LYPD3: variants seen among roughly 807,000 people sequenced by gnomAD.
LYPD3 encodes LY6/PLAUR domain containing 3, also known as ly6/PLAUR domain-containing protein 3.
Under a neutral mutation model 21.7 loss-of-function variants are expected in LYPD3, and 22 were observed. The observed-to-expected ratio is 1.01, with a 90% CI of 0.72 to 1.45. The LOEUF (loss-of-function observed/expected upper bound fraction) is 1.45, where lower values mean the gene tolerates loss of function less well. LYPD3 is among the 40% of genes most tolerant of loss of function. The pLI is 0.00. For missense variants in LYPD3, 471 were observed against 466.9 expected, an observed-to-expected ratio of 1.01 and a Z score of -0.08; for synonymous variants, 179 against 203.0, an observed-to-expected ratio of 0.88 and a Z score of 1.00.
chr19:43,462,957 G>A (rs1308036939), intron 4 of LYPD3, among the ~76,000 whole-genome samples, 169 bp downstream of exon 4: 1 of 152,222 alleles, frequency 6.6e-6, no homozygotes, highest in Admixed American at 6.5e-5. Context: ...GTTGGGGGAA[G>A]GGACTGCATT....
In LYPD3 at chr19:43,462,979, CCTACG is replaced by C. The variant is rs1355789360; in HGVS notation, c.544+142_544+146del. ...GAAGGGACTGCATTTTCCATGATGC[CCTACG>C]ATACAAGCACCTAGGCCCCACGATT... On this transcript the variant is annotated intron_variant, in intron 4 of 4. Transcript: ENST00000244333. 6.5e-6 allele frequency: 5 copies of C among 767,700 alleles called. No individual in the cohort carries two copies. The African/African-American group carries it at 6.9e-5, about 11-fold the overall frequency. 47.6% of individuals were successfully genotyped at this position (767,700 alleles called of 1,614,324 possible).
chr19:43,463,551 G>A (rs1048729121), intron 3 of LYPD3, 48 bp downstream of exon 3: 2 of 1,588,606 alleles, frequency 1.3e-6, no homozygotes, highest in African/African-American at 2.7e-5. Context: ...ATCTTGGCAG[G>A]CCCGAATGTG....
chr19:43,463,814 A>C (rs574160492), intron 2 of LYPD3, 45 bp from the exon 3 acceptor site: 1 of 1,580,724 alleles, frequency 6.3e-7, no homozygotes, highest in African/African-American at 1.3e-5. Context: ...GCGTGGTCTC[A>C]GATGGGGCGT....
At chr19:43,464,656 T>C (rs1300649039) in intron 1 of LYPD3, among the ~76,000 whole-genome samples, 200 bp from the exon 2 acceptor site, 1 of 152,204 alleles carries the variant, frequency 6.6e-6, no homozygotes, top group African/African-American at 2.4e-5. Flanking sequence ...ACACCCACTA[T>C]GCCAACTGTG....
In LYPD3 at chr19:43,463,586, G is replaced by GTT. The variant is rs781098514; in HGVS notation, c.382+12_382+13insAA. On this transcript the variant is annotated intron_variant, in intron 3 of 4. Coordinates refer to ENST00000244333, the MANE Select transcript of LYPD3 (RefSeq NM_014400.3). ...GGCTCCGCCCCCGCAGCTACGGCCCGGCCCCCACGGACCTGCCGGGTCGAG... is the reference window on the plus strand; with the variant it reads ...GGCTCCGCCCCCGCAGCTACGGCCCGTTGCCCCCACGGACCTGCCGGGTCGAG... The GTT allele has an allele frequency of 1.1e-4, 182 of 1,598,664 alleles. 2 individuals carry two copies. The South Asian group carries it at 1.9e-3, about 17-fold the overall frequency.
rs771529186 is a variant in LYPD3, at chr19:43,463,616, C to G, written c.365G>C (p.Arg122Pro). The change falls in exon 3 of 5, where the codon CGG becomes CCG. Residue 122 changes from arginine (R) to proline (P), a missense_variant. Coordinates refer to ENST00000244333, the MANE Select transcript of LYPD3 (RefSeq NM_014400.3). ...CCACGGACCTGCCGGGTCGAGCGCC[C>G]GCGAGGTGAGGTTGAGCTTGGCGTT... is the stretch of plus-strand genomic sequence containing the variant. Reference protein sequence around the residue: ...RCNAKLNLTSRALDPAGNESA... With the variant: ...RCNAKLNLTSPALDPAGNESA... The G allele has an allele frequency of 1.9e-6, 3 of 1,602,354 alleles. No individual in the cohort carries two copies. Among genetic ancestry groups the G allele is most frequent in the Admixed American group, 1.7e-5 (1 of 59,992 alleles).
In LYPD3 at chr19:43,463,222, C is replaced by A. The variant is rs1435844839; in HGVS notation, c.448G>T (p.Ala150Ser). 6.2e-7 allele frequency: 1 copy of A among 1,608,726 alleles called. No homozygotes were observed. Among genetic ancestry groups the A allele is most frequent in the Non-Finnish European group, 8.5e-7 (1 of 1,180,008 alleles). Residue 150 changes from alanine to serine, a missense_variant, in exon 4 of 5, where the codon GCG becomes TCG. Coordinates refer to ENST00000244333, the MANE Select transcript of LYPD3 (RefSeq NM_014400.3). Reference sequence around the variant, plus strand: ...ACCGGCGGCGATGTACCCTGGCACGCCTCCCGGCTCAGGCCCACACAGCTG... The same window carrying A: ...ACCGGCGGCGATGTACCCTGGCACGACTCCCGGCTCAGGCCCACACAGCTG... Reference protein sequence around the residue: ...CYSCVGLSREACQGTSPPVVS... With the variant: ...CYSCVGLSRESCQGTSPPVVS...
In LYPD3 at chr19:43,463,766, T is replaced by C; in HGVS notation, c.215A>G (p.His72Arg). Residue 72 changes from histidine (H) to arginine (R), a missense_variant, in exon 3 of 5, where the codon CAC becomes CGC. His to Arg is a conservative substitution (Grantham distance 29, BLOSUM62 0). Coordinates refer to ENST00000244333, the MANE Select transcript of LYPD3 (RefSeq NM_014400.3). ...CCGCACTGCCAGCGAGAATTGTCCGTGGACTAGGGAGAGGGACAAGGGCGG... is the reference window on the plus strand; with the variant it reads ...CCGCACTGCCAGCGAGAATTGTCCGCGGACTAGGGAGAGGGACAAGGGCGG... ...TEAVGAVETI[H>R]GQFSLAVRGC... The C allele has an allele frequency of 1.2e-6, 2 of 1,612,644 alleles. No individual in the cohort carries two copies. The highest frequency in any genetic ancestry group is 1.7e-6 in the Non-Finnish European group (2 of 1,179,942).
chr19:43,461,616 G>T lies in LYPD3; in HGVS notation c.776C>A (p.Thr259Asn). 1.2e-6 allele frequency: 2 copies of T among 1,614,172 alleles called. No homozygotes were observed. The highest frequency in any genetic ancestry group is 1.7e-6 in the Non-Finnish European group (2 of 1,180,026). The change falls in exon 5 of 5, where the codon ACC becomes AAC. Residue 259 changes from threonine to asparagine, a missense_variant. Physicochemically the swap from Thr to Asn is moderately conservative, Grantham distance 65. Transcript: ENST00000244333. Reference sequence around the variant, plus strand: ...GGATGTGGGTCTCACTGGGGCCGAGGTAGAAGTGGTGACAGATGTGGTTGA... The same window carrying T: ...GGATGTGGGTCTCACTGGGGCCGAGTTAGAAGTGGTGACAGATGTGGTTGA... ...VASTTSVTTS[T>N]SAPVRPTSTT... is the part of the protein sequence containing the mutation.
chr19:43,463,338 G>T (rs777948014), intron 3 of LYPD3, 51 bp from the exon 4 acceptor site: 11 of 1,582,312 alleles, frequency 7.0e-6, no homozygotes, highest in Admixed American at 1.7e-5. Context: ...TTCGGGAACC[G>T]CAGCTCGTCC....
intron 2 of LYPD3, 41 bp downstream of exon 2, chr19:43,464,284 G>A (rs1305090171): frequency 1.9e-6 from 3 of 1,564,300 alleles, no homozygotes; most frequent in Non-Finnish European, 2.6e-6. Flanking sequence ...TGGGCCGGAG[G>A]AGCCTGCAGT....
Position 43,463,234 on chromosome 19 carries a change from G to A in LYPD3, c.436C>T (p.Leu146=). Residue 146 remains leucine (L), a synonymous_variant, in exon 4 of 5, where the codon CTG becomes TTG. Coordinates refer to ENST00000244333, the MANE Select transcript of LYPD3 (RefSeq NM_014400.3). The part of the protein sequence containing the change: ...NGVECYSCVG[L]SREACQGTSP... ...GTACCCTGGCACGCCTCCCGGCTCA[G>A]GCCCACACAGCTGTAGCACTCCACG... 2 of 1,607,686 alleles carry A rather than the reference G, an allele frequency of 1.2e-6. No individual in the cohort carries two copies. Among genetic ancestry groups the A allele is most frequent in the East Asian group, 2.2e-5 (1 of 44,882 alleles).
At chr19:43,463,901 G>A (rs1312929225) in intron 2 of LYPD3, 132 bp from the exon 3 acceptor site, 1 of 932,372 alleles carries the variant, frequency 1.1e-6, no homozygotes, top group African/African-American at 1.6e-5. Context: ...GGCAGGAATT[G>A]GCGGATGGAC....
chr19:43,462,105 C>A (rs969828787), intron 4 of LYPD3, among the ~76,000 whole-genome samples: 1 of 152,056 alleles, frequency 6.6e-6, no homozygotes, highest in Admixed American at 6.6e-5. Flanking sequence ...ATCCCAAAAT[C>A]TCAACTCAGG....
At position 43,461,740 on chromosome 19, in the gene LYPD3, C is replaced by A. The variant is rs1296171519; in HGVS notation, c.652G>T (p.Gly218Trp). ...CGGAGGTCAGAGTTACAGCGGGACC[C>A]CTGGCAACAGGAGCCACTGAGCGTG... ...GFTLSGSCCQ[G>W]SRCNSDLRNK... is the part of the protein sequence containing the mutation. The change falls in exon 5 of 5, where the codon GGG (glycine) becomes TGG (tryptophan). Residue 218 changes from glycine to tryptophan, a missense_variant. Physicochemically the swap from Gly to Trp is radical, Grantham distance 184 (BLOSUM62 -2). Coordinates refer to ENST00000244333, the MANE Select transcript of LYPD3 (RefSeq NM_014400.3). 1 of 1,614,126 alleles carries A rather than the reference C, an allele frequency of 6.2e-7. No homozygotes were observed. Among genetic ancestry groups the A allele is most frequent in the South Asian group, 1.1e-5 (1 of 91,078 alleles).
At position 43,465,573 on chromosome 19, in the gene LYPD3, G is replaced by A. The variant is rs755340884; in HGVS notation, c.-2C>T. 6.2e-7 allele frequency: 1 copy of A among 1,608,528 alleles called. No homozygotes were observed. The highest frequency in any genetic ancestry group is 8.5e-7 in the Non-Finnish European group (1 of 1,179,578). ...ACCTGCTTTCCTGGCGGGGTCCATG[G>A]CTCCGTCCTGCTCCCTTGGCGTCCC... On this transcript the variant is annotated 5_prime_UTR_variant, in exon 1 of 5. Transcript: ENST00000244333.
intron 1 of LYPD3, among the ~76,000 whole-genome samples, chr19:43,465,016 C>A (rs1350726954): frequency 6.6e-6 from 1 of 150,704 alleles, no homozygotes; most frequent in Non-Finnish European, 1.5e-5. Flanking sequence ...TGCAACCTCC[C>A]CTCCTGGATT....
chr19:43,464,635 C>A (rs927525423), intron 1 of LYPD3, among the ~76,000 whole-genome samples, 179 bp from the exon 2 acceptor site: 1 of 152,216 alleles, frequency 6.6e-6, no homozygotes, highest in African/African-American at 2.4e-5. Context: ...ATCACTGGAC[C>A]CTTTTCCTTC....
At position 43,464,358 on chromosome 19, in the gene LYPD3, C is replaced by A; in HGVS notation, c.178G>T (p.Val60Phe). The A allele has an allele frequency of 1.2e-6, 2 of 1,613,368 alleles. No individual in the cohort carries two copies. The highest frequency in any genetic ancestry group is 1.7e-6 in the Non-Finnish European group (2 of 1,179,770). Residue 60 changes from valine (V) to phenylalanine (F), a missense_variant, in exon 2 of 5, where the codon GTC becomes TTC. Coordinates refer to ENST00000244333, the MANE Select transcript of LYPD3 (RefSeq NM_014400.3). ...KTVKCAPGVD[V>F]CTEAVGAVET... ...ACCGCCCCCACGGCCTCGGTGCAGA[C>A]GTCCACGCCCGGCGCGCACTTCACT...
Sources: gnomAD v4.1 joint callset for allele counts (sites outside exome capture counted in the v4.1 genomes callset) on GRCh38, gnomAD v4.1.1 for gene constraint, MANE v1.5 for transcripts, NCBI Gene and HGNC (gene_info 2026-07-23, HGNC 2026-07-21) for gene names.